OARD1: variants seen among roughly 807,000 people sequenced by gnomAD.
OARD1 encodes O-acyl-ADP-ribose deacylase 1.
A neutral mutation model predicts 19.7 loss-of-function variants in OARD1; 19 were observed. The ratio of observed to expected loss-of-function variants is 0.96; its 90% CI spans 0.67 to 1.41. The LOEUF is 1.41. OARD1 is among the 40% of genes most tolerant of loss of function. The pLI is 0.00. For synonymous variants in OARD1, 70 were observed against 61.8 expected, an observed-to-expected ratio of 1.13 and a Z score of -0.62; for missense variants, 190 against 183.8, an observed-to-expected ratio of 1.03 and a Z score of -0.20.
Position 41,066,089 on chromosome 6 carries a change from G to A in OARD1, c.*1246C>T, listed in dbSNP as rs1008490504. ...GCTGCACATCCAAATCTTCTATGGA[G>A]GTTAAAAACACAAAAGTGGCCATCC... On this transcript the variant is annotated 3_prime_UTR_variant, in exon 6 of 6. Coordinates refer to ENST00000424266, the MANE Select transcript of OARD1 (RefSeq NM_001329686.2). 6.6e-6 allele frequency: 1 copy of A among 152,128 alleles called. No individual in the cohort carries two copies. The highest frequency in any genetic ancestry group is 1.5e-5 in the Non-Finnish European group (1 of 68,046). The allele number at this position is 152,128 out of a possible 1,614,324, so 9.4% of individuals were successfully genotyped here. A position where few individuals can be genotyped will look rare whatever the true frequency, so the allele number is the denominator to read the frequency against.
At chr6:41,080,836 A>G in intron 1 of OARD1, 1 of 1,613,996 alleles carries the variant, frequency 6.2e-7, no homozygotes, top group Non-Finnish European at 8.5e-7. Flanking sequence ...ACTGCTGTGC[A>G]GTTGCAGACT....
chr6:41,084,046 G>A, intron 1 of OARD1: 1 of 1,598,822 alleles, frequency 6.3e-7, no homozygotes, highest in East Asian at 2.3e-5. Context: ...TTCATTCTAG[G>A]TCCAAGGGCA....
upstream of OARD1, among the ~76,000 whole-genome samples, chr6:41,077,282 G>A (rs929154213): frequency 2.6e-5 from 4 of 152,052 alleles, no homozygotes; most frequent in Non-Finnish European, 4.4e-5. Context: ...GTATTTTGAT[G>A]AGTTTTGACA....
chr6:41,089,734 C>A, intron 1 of OARD1: 1 of 1,607,124 alleles, frequency 6.2e-7, no homozygotes, highest in East Asian at 2.2e-5. Flanking sequence ...CTCTGTCACA[C>A]AGGAGCAAAA....
At chr6:41,070,582 G>A (rs1056833377) in intron 3 of OARD1, among the ~76,000 whole-genome samples, 2 of 152,230 alleles carry the variant, frequency 1.3e-5, no homozygotes, top group African/African-American at 2.4e-5. Flanking sequence ...TCAATCCAGA[G>A]AAGATATCAT....
chr6:41,083,667 T>G (rs1465047595), intron 1 of OARD1, among the ~76,000 whole-genome samples: 1 of 152,188 alleles, frequency 6.6e-6, no homozygotes, highest in Non-Finnish European at 1.5e-5. Flanking sequence ...CACCTTTCCC[T>G]CTCATTGCCT....
intron 1 of OARD1, chr6:41,097,613 C>T: frequency 3.6e-6 from 2 of 559,380 alleles, no homozygotes; most frequent in Admixed American, 6.5e-5. Context: ...CTTACTCTTT[C>T]AGTCAGGACC....
In OARD1 at chr6:41,081,283, A is replaced by C. The variant is rs191237473; in HGVS notation, c.-41-9608T>G. The stretch of plus-strand genomic sequence containing the variant: ...GGCAGGCGGATCACGAGGTCAGGAG[A>C]TCGAGACCATCCTGGCAAACATGGT... On this transcript the variant is annotated intron_variant, in intron 1 of 4. Coordinates refer to the OARD1 transcript ENST00000480585. Among the ~76,000 whole-genome samples, 247 of 152,126 alleles carry C rather than the reference A, an allele frequency of 1.6e-3. 1 individual carries two copies. Among genetic ancestry groups the C allele is most frequent in the Middle Eastern group, 0.01 (3 of 294 alleles).
chr6:41,088,710 A>G (rs1764115578), intron 1 of OARD1, among the ~76,000 whole-genome samples: 2 of 151,506 alleles, frequency 1.3e-5, no homozygotes, highest in Non-Finnish European at 2.9e-5. Flanking sequence ...TCAGTTCCCC[A>G]AGTAGCTGGG....
upstream of OARD1, chr6:41,075,485 C>G (rs545027276): frequency 6.6e-6 from 1 of 151,924 alleles, no homozygotes; most frequent in Non-Finnish European, 1.5e-5. Context: ...ACCTTACAAG[C>G]TTCCACCAGT....
At chr6:41,097,522 C>A in intron 1 of OARD1, 2 of 1,105,898 alleles carry the variant, frequency 1.8e-6, no homozygotes, top group Non-Finnish European at 2.7e-6. Context: ...TACTACAGGA[C>A]AGAAACCACT....
intron 1 of OARD1, among the ~76,000 whole-genome samples, chr6:41,082,081 A>C (rs1207676060): frequency 6.6e-6 from 1 of 152,226 alleles, no homozygotes; most frequent in Non-Finnish European, 1.5e-5. Flanking sequence ...GATTCAAAGT[A>C]GAATCTAGAA....
upstream of OARD1, among the ~76,000 whole-genome samples, chr6:41,073,359 G>C (rs1010337562): frequency 1.2e-4 from 18 of 151,874 alleles, no homozygotes; most frequent in African/African-American, 4.1e-4. Flanking sequence ...GCCAGGGCCA[G>C]TTGGGAATGC....
chr6:41,092,529 G>A (rs1030740600), intron 1 of OARD1, among the ~76,000 whole-genome samples: 7 of 152,178 alleles, frequency 4.6e-5, no homozygotes. Context: ...TGAATTATAA[G>A]TTAACTATTA....
At chr6:41,077,386 C>T (rs148845845), upstream of OARD1, among the ~76,000 whole-genome samples, 46 of 152,272 alleles carry the variant, frequency 3.0e-4, no homozygotes, top group Non-Finnish European at 6.2e-4. Flanking sequence ...AGTCAACCTC[C>T]CTCTTTCCTG....
upstream of OARD1, among the ~76,000 whole-genome samples, chr6:41,074,042 C>CTA (rs1763651758): frequency 2.0e-5 from 3 of 152,120 alleles, no homozygotes; most frequent in Middle Eastern, 3.2e-3. Flanking sequence ...GTTCATATTA[C>CTA]TAATCTTATC....
In OARD1 at chr6:41,065,507, T is replaced by A. The variant is rs1043912958; in HGVS notation, c.*1828A>T. ...TCTTATCCCCCACTCTCACTTTCAATTTTGTGTATTTAGATAATCTCTCCT... is the reference window on the plus strand; with the variant it reads ...TCTTATCCCCCACTCTCACTTTCAAATTTGTGTATTTAGATAATCTCTCCT... On this transcript the variant is annotated 3_prime_UTR_variant, in exon 6 of 6. Coordinates refer to ENST00000424266, the MANE Select transcript of OARD1 (RefSeq NM_001329686.2). The A allele has an allele frequency of 3.3e-5, 5 of 152,184 alleles. No individual in the cohort carries two copies. Among genetic ancestry groups the A allele is most frequent in the Non-Finnish European group, 4.4e-5 (3 of 68,030 alleles). 9.4% of individuals were successfully genotyped at this position (152,184 alleles called of 1,614,324 possible).
In OARD1 at chr6:41,065,963, T is replaced by C. The variant is rs1455342861; in HGVS notation, c.*1372A>G. On this transcript the variant is annotated 3_prime_UTR_variant, in exon 6 of 6. Coordinates refer to ENST00000424266, the MANE Select transcript of OARD1 (RefSeq NM_001329686.2). ...CCCGAATAGCTCTGATACTGAACCA[T>C]TGGCTAAATCCATGAACTTTATTTT... The C allele has an allele frequency of 2.6e-5, 4 of 152,244 alleles. No homozygotes were observed. Among genetic ancestry groups the C allele is most frequent in the East Asian group, 1.9e-4 (1 of 5,198 alleles). 9.4% of individuals were successfully genotyped at this position (152,244 alleles called of 1,614,324 possible).
upstream of OARD1, among the ~76,000 whole-genome samples, chr6:41,073,265 C>G (rs992784561): frequency 2.6e-4 from 39 of 151,632 alleles, no homozygotes; most frequent in African/African-American, 9.2e-4. Flanking sequence ...TCGGGGCACT[C>G]CCGGCCGAGG....
Sources: allele counts gnomAD v4.1 joint callset (sites outside exome capture counted in the v4.1 genomes callset), GRCh38; gene constraint gnomAD v4.1.1; transcripts MANE v1.5; gene names NCBI Gene and HGNC (gene_info 2026-07-23, HGNC 2026-07-21).